Variants in PAK3 observed in about 807,000 individuals in gnomAD.
PAK3 encodes p21 (RAC1) activated kinase 3.
Under a neutral mutation model 41.0 loss-of-function variants are expected in PAK3, and 4 were observed. That is an observed-to-expected ratio of 0.10 (90% confidence interval 0.05 to 0.22). PAK3 has a LOEUF of 0.22. PAK3 is among the 10% of genes least tolerant of loss of function. The pLI is 1.00. For synonymous variants in PAK3, 146 were observed against 139.6 expected (o/e 1.05, Z -0.32); for missense variants, 205 against 409.9 (o/e 0.50, Z 4.32).
At chrX:111,070,683 TC>T (rs1453061339) in intron 1 of PAK3, among the ~76,000 whole-genome samples, 2 of 112,208 alleles carry the variant, frequency 1.8e-5, no homozygotes, top group Non-Finnish European at 3.8e-5. Context: ...GTAGTTCCCT[TC>T]TTTCAGCTGA....
intron 11 of PAK3, among the ~76,000 whole-genome samples, chrX:111,185,477 A>G (rs111572755): frequency 0.081 from 9,013 of 111,030 alleles, 829 homozygotes; most frequent in African/African-American, 0.27. Flanking sequence ...GCCCGTGTCT[A>G]TCTCCTGAAT....
chrX:110,988,146 G>A (rs73637194), intron 1 of PAK3, among the ~76,000 whole-genome samples: 1,220 of 112,466 alleles, frequency 0.011, 21 homozygotes, highest in African/African-American at 0.038. Flanking sequence ...CAGATTCCTG[G>A]GCCTTGCCCT....
intron 15 of PAK3, 76 bp from the exon 16 acceptor site, chrX:111,196,367 AC>A: frequency 1.3e-6 from 1 of 786,464 alleles, no homozygotes; most frequent in Non-Finnish European, 2.0e-6. Context: ...AAAGGAAGGT[AC>A]AGCCATATCT....
chrX:111,014,678 C>G (rs920616556), intron 1 of PAK3, among the ~76,000 whole-genome samples: 5 of 111,865 alleles, frequency 4.5e-5, no homozygotes, highest in Admixed American at 1.9e-4. Context: ...CTGGGACATT[C>G]TTTACCTTTG....
intron 1 of PAK3, among the ~76,000 whole-genome samples, chrX:110,984,364 A>G (rs1319765430): frequency 8.9e-6 from 1 of 112,024 alleles, no homozygotes; most frequent in Admixed American, 9.4e-5. Context: ...CCATAAATGT[A>G]CATACTCAGT....
intron 1 of PAK3, among the ~76,000 whole-genome samples, chrX:111,088,548 G>C (rs962185855): frequency 8.9e-5 from 10 of 111,820 alleles, no homozygotes; most frequent in Non-Finnish European, 1.5e-4. Context: ...GAGCCTCTAG[G>C]TAGATTCTAG....
intron 8 of PAK3, among the ~76,000 whole-genome samples, chrX:111,162,004 G>T (rs1267496694): frequency 8.9e-6 from 1 of 111,782 alleles, no homozygotes; most frequent in East Asian, 2.8e-4. Context: ...CTTGCATCAG[G>T]ATCACCTGGA....
chrX:110,955,044 C>T lies in PAK3; in HGVS notation c.-28+10416C>T, dbSNP rs2090826187. On this transcript the variant is annotated intron_variant, in intron 1 of 14. Coordinates refer to the PAK3 transcript ENST00000425146. ...GGGTTTCCAGCTCACTCAAGTTCTT[C>T]CTGTCTGATTCTCATTATCAAACTT... 2.7e-5 allele frequency among the ~76,000 whole-genome samples: 3 copies of T among 111,653 alleles called. No homozygotes were observed. In the South Asian group the frequency reaches 1.2e-3, roughly 43 times the overall value.
chrX:110,976,363 T>C (rs2091329895), intron 1 of PAK3, among the ~76,000 whole-genome samples: 1 of 112,351 alleles, frequency 8.9e-6, no homozygotes, highest in African/African-American at 3.2e-5. Flanking sequence ...GAAAAAATGC[T>C]CATCATCACT....
chrX:111,085,184 C>A (rs768220614), intron 1 of PAK3, among the ~76,000 whole-genome samples: 1 of 111,319 alleles, frequency 9.0e-6, no homozygotes, highest in African/African-American at 3.3e-5. Context: ...TAAAGTAATA[C>A]GTCATAGCCA....
chrX:111,034,729 G>A (rs1335984584), intron 1 of PAK3, among the ~76,000 whole-genome samples: 4 of 111,163 alleles, frequency 3.6e-5, no homozygotes, highest in Admixed American at 9.6e-5. Flanking sequence ...AGAGACCTAA[G>A]TTCAATTCCA....
intron 1 of PAK3, among the ~76,000 whole-genome samples, chrX:111,087,722 C>T (rs1311483475): frequency 4.1e-4 from 39 of 94,756 alleles, no homozygotes; most frequent in Admixed American, 3.8e-3. Context: ...ATTACCAGAA[C>T]GAACCATCTG....
At chrX:111,016,106 G>A (rs922176080) in intron 1 of PAK3, among the ~76,000 whole-genome samples, 10 of 112,519 alleles carry the variant, frequency 8.9e-5, no homozygotes, top group Admixed American at 7.5e-4. Context: ...TCTGTGCCAC[G>A]CACATAGTAG....
In PAK3 at chrX:111,156,801, G is replaced by A. The variant is rs1274860311; in HGVS notation, c.468+4354G>A. On this transcript the variant is annotated intron_variant, in intron 8 of 17. Coordinates refer to ENST00000372007, the MANE Select transcript of PAK3 (RefSeq NM_002578.5). The stretch of plus-strand genomic sequence containing the variant: ...AACACCTGCTTTACTGCTTATTTGT[G>A]GTAGCTTCTTTGATATTAGTGTATT... Among the ~76,000 whole-genome samples, 3 of 111,626 alleles carry A rather than the reference G, an allele frequency of 2.7e-5. No homozygotes were observed. The Admixed American group carries it at 2.8e-4, about 11-fold the overall frequency.
intron 1 of PAK3, among the ~76,000 whole-genome samples, chrX:111,046,080 G>A (rs766012825): frequency 1.9e-4 from 21 of 111,634 alleles, no homozygotes; most frequent in Non-Finnish European, 3.0e-4. Flanking sequence ...GGAGAGCCTC[G>A]TCTGCTGCTG....
chrX:111,197,895 A>G (rs1412676055), intron 16 of PAK3, among the ~76,000 whole-genome samples: 2 of 111,769 alleles, frequency 1.8e-5, no homozygotes, highest in African/African-American at 3.3e-5. Flanking sequence ...GGGCTTCACC[A>G]TGTTGGCCAG....
Position 111,186,628 on chromosome X carries a change from CAA to C in PAK3, c.831-5498_831-5497del, listed in dbSNP as rs779475470. 1.4e-4 allele frequency among the ~76,000 whole-genome samples: 16 copies of C among 111,260 alleles called. No individual in the cohort carries two copies. The East Asian group carries it at 2.6e-3, about 18-fold the overall frequency. ...AACTACAAACCACTCCTTAAGAAAA[CAA>C]GAGAGGACACAAACAAATGGAAAAA... On this transcript the variant is annotated intron_variant, in intron 11 of 17. Transcript: ENST00000372007.
At chrX:111,215,951 C>T (rs1446096966) in intron 16 of PAK3, among the ~76,000 whole-genome samples, 1 of 111,943 alleles carries the variant, frequency 8.9e-6, no homozygotes. Context: ...CTCTTCATTC[C>T]ACATCTATTC....
chrX:111,038,508 C>G (rs188774438), intron 1 of PAK3, among the ~76,000 whole-genome samples: 2 of 111,903 alleles, frequency 1.8e-5, no homozygotes, highest in East Asian at 5.6e-4. Flanking sequence ...GTGTATGGGA[C>G]TCCAGGAAGA....
Sources: gnomAD v4.1 joint callset for allele counts (sites outside exome capture counted in the v4.1 genomes callset) on GRCh38, gnomAD v4.1.1 for gene constraint, MANE v1.5 for transcripts, NCBI Gene and HGNC (gene_info 2026-07-23, HGNC 2026-07-21) for gene names.